PRKG1: variants seen among roughly 807,000 people sequenced by gnomAD.
PRKG1 encodes the protein protein kinase cGMP-dependent 1.
PRKG1 carries 35 observed loss-of-function variants against 88.1 expected under a neutral mutation model. The observed-to-expected ratio is 0.40, with a 90% CI of 0.30 to 0.53. The LOEUF (loss-of-function observed/expected upper bound fraction) is 0.53, where lower values mean the gene tolerates loss of function less well. Among genes scored for constraint, PRKG1 ranks in the 20% least tolerant of loss-of-function variants. The pLI, the probability that PRKG1 is intolerant of heterozygous loss-of-function variation, is 0.59. For missense variants in PRKG1, 540 were observed against 839.8 expected, an observed-to-expected ratio of 0.64 and a Z score of 4.41; for synonymous variants, 303 against 292.5, an observed-to-expected ratio of 1.04 and a Z score of -0.37.
intron 1 of PRKG1, among the ~76,000 whole-genome samples, chr10:51,059,435 C>A (rs1316852421): frequency 6.6e-6 from 1 of 151,940 alleles, no homozygotes; most frequent in African/African-American, 2.4e-5. Context: ...CTTGCACTGT[C>A]ATCTAGGCTC....
chr10:51,642,528 T>C (rs1489030509), intron 3 of PRKG1, among the ~76,000 whole-genome samples: 1 of 152,228 alleles, frequency 6.6e-6, no homozygotes, highest in African/African-American at 2.4e-5. Context: ...AGAATTAGTC[T>C]GCATTTCTGC....
chr10:51,857,377 C>G (rs1840709820), intron 4 of PRKG1, among the ~76,000 whole-genome samples: 1 of 152,144 alleles, frequency 6.6e-6, no homozygotes, highest in Non-Finnish European at 1.5e-5. Context: ...ATTTTCAAAG[C>G]CTTTTTTAAA....
intron 8 of PRKG1, among the ~76,000 whole-genome samples, chr10:52,145,177 ATAT>A (rs1211918308): frequency 6.6e-6 from 1 of 152,216 alleles, no homozygotes; most frequent in African/African-American, 2.4e-5. Context: ...TATTTTAAAA[ATAT>A]AATAATCACA....
intron 3 of PRKG1, among the ~76,000 whole-genome samples, chr10:51,750,357 A>G (rs1021934910): frequency 6.6e-6 from 1 of 152,184 alleles, no homozygotes; most frequent in African/African-American, 2.4e-5. Flanking sequence ...GACATAAGAA[A>G]TCACTAACAG....
chr10:52,006,107 A>AC (rs1844729669), intron 5 of PRKG1, among the ~76,000 whole-genome samples: 2 of 151,912 alleles, frequency 1.3e-5, no homozygotes, highest in South Asian at 4.2e-4. Flanking sequence ...AAACAAAAAA[A>AC]ACAAGTCTAT....
At chr10:51,986,203 A>G (rs1487219351) in intron 5 of PRKG1, among the ~76,000 whole-genome samples, 1 of 152,208 alleles carries the variant, frequency 6.6e-6, no homozygotes, top group Non-Finnish European at 1.5e-5. Context: ...ATTGAAAAAA[A>G]ATTAACGCTT....
chr10:51,221,880 T>C (rs184420286), intron 2 of PRKG1, among the ~76,000 whole-genome samples: 2,505 of 147,492 alleles, frequency 0.017, 36 homozygotes, highest in Admixed American at 0.023. Context: ...TTCTTTCTTT[T>C]TTTTTTTTTT....
chr10:52,157,384 G>A (rs1838150389), intron 8 of PRKG1, among the ~76,000 whole-genome samples: 1 of 144,674 alleles, frequency 6.9e-6, no homozygotes, highest in Non-Finnish European at 1.5e-5. Flanking sequence ...AACTTTAAAT[G>A]CTATGATTTT....
At chr10:51,299,225 A>G (rs1345663889) in intron 2 of PRKG1, among the ~76,000 whole-genome samples, 2 of 151,074 alleles carry the variant, frequency 1.3e-5, no homozygotes, top group African/African-American at 4.9e-5. Flanking sequence ...ATGTTTTTTG[A>G]GATGGAGTCT....
chr10:51,950,115 C>T lies in PRKG1; in HGVS notation c.762+42545C>T, dbSNP rs535295305. Among the ~76,000 whole-genome samples, 21 of 152,318 alleles carry T rather than the reference C, an allele frequency of 1.4e-4. No individual in the cohort carries two copies. In the South Asian group the frequency reaches 4.1e-3, roughly 30 times the overall value. On this transcript the variant is annotated intron_variant, in intron 5 of 17. Coordinates refer to ENST00000373980, the MANE Select transcript of PRKG1 (RefSeq NM_006258.4). ...TGGACTACATAACTCCTACATCCTTCACATTCATGAAAGTATGTAAGACTC... is the reference window on the plus strand; with the variant it reads ...TGGACTACATAACTCCTACATCCTTTACATTCATGAAAGTATGTAAGACTC...
chr10:52,248,790 G>C (rs915092005), intron 9 of PRKG1, among the ~76,000 whole-genome samples: 15 of 152,094 alleles, frequency 9.9e-5, no homozygotes, highest in Admixed American at 8.5e-4. Flanking sequence ...ACAAAGTCGA[G>C]AGGTCTTTGC....
chr10:51,198,864 G>T (rs568053623), intron 2 of PRKG1, among the ~76,000 whole-genome samples: 91 of 152,264 alleles, frequency 6.0e-4, no homozygotes, highest in African/African-American at 2.1e-3. Flanking sequence ...TTAGTTATCC[G>T]TAGATTTAAT....
chr10:52,173,218 A>G (rs1838759244), intron 9 of PRKG1, among the ~76,000 whole-genome samples: 1 of 152,184 alleles, frequency 6.6e-6, no homozygotes, highest in Non-Finnish European at 1.5e-5. Context: ...TGCTTGCTTT[A>G]TTCAAAAATT....
chr10:51,175,126 A>G (rs1002701813), intron 2 of PRKG1, among the ~76,000 whole-genome samples: 8 of 152,156 alleles, frequency 5.3e-5, no homozygotes, highest in South Asian at 2.1e-4. Context: ...TCTAGAATTA[A>G]AAAAACACAC....
chr10:51,201,916 G>A (rs573078955), intron 2 of PRKG1, among the ~76,000 whole-genome samples: 5 of 152,322 alleles, frequency 3.3e-5, no homozygotes, highest in African/African-American at 1.2e-4. Flanking sequence ...GACAGCAAGT[G>A]AACAAGTTTC....
At chr10:51,686,416 TA>T (rs970583694) in intron 3 of PRKG1, among the ~76,000 whole-genome samples, 1 of 152,176 alleles carries the variant, frequency 6.6e-6, no homozygotes, top group Admixed American at 6.5e-5. Context: ...GTTCCTGTGT[TA>T]GATTGCATAG....
intron 7 of PRKG1, among the ~76,000 whole-genome samples, chr10:52,084,548 T>C (rs1292579678): frequency 6.6e-6 from 1 of 152,082 alleles, no homozygotes; most frequent in Admixed American, 6.6e-5. Context: ...ATCTTCTCTT[T>C]CTCTAATATA....
intron 9 of PRKG1, among the ~76,000 whole-genome samples, chr10:52,174,722 C>G (rs1170196218): frequency 6.6e-6 from 1 of 151,932 alleles, no homozygotes; most frequent in Non-Finnish European, 1.5e-5. Context: ...CCAAGAAGCA[C>G]ACATATTCCC....
chr10:51,880,258 TA>T (rs11337704), intron 4 of PRKG1, among the ~76,000 whole-genome samples: 49,384 of 149,134 alleles, frequency 0.33, 9,158 homozygotes, highest in African/African-American at 0.47. Flanking sequence ...AGAACTGAGC[TA>T]AAAAAAAAAA....
Sources: gnomAD v4.1 joint callset for allele counts (sites outside exome capture counted in the v4.1 genomes callset) on GRCh38, gnomAD v4.1.1 for gene constraint, MANE v1.5 for transcripts, NCBI Gene and HGNC (gene_info 2026-07-23, HGNC 2026-07-21) for gene names.